Variants in GRID2 observed in about 807,000 individuals in gnomAD.
GRID2 encodes the protein glutamate receptor ionotropic, delta-2.
In GRID2, 33 loss-of-function variants were observed where a neutral mutation model predicts 114.8. The observed-to-expected ratio is 0.29, with a 90% CI of 0.22 to 0.38. The LOEUF (loss-of-function observed/expected upper bound fraction) is 0.38. Ranked by LOEUF, GRID2 falls within the 10% of genes least tolerant of loss-of-function variation. The probability of loss-of-function intolerance (pLI) is 1.00; values close to 1 mark genes in which losing one functional copy is unlikely to be tolerated. For missense variants in GRID2, 1,184 were observed against 1,257.7 expected (o/e 0.94, Z 0.89); for synonymous variants, 505 against 449.9 (o/e 1.12, Z -1.55).
intron 14 of GRID2, among the ~76,000 whole-genome samples, chr4:93,658,154 A>G (rs1462001637): frequency 2.6e-5 from 4 of 152,220 alleles, no homozygotes; most frequent in African/African-American, 9.6e-5. Context: ...TTTTTAATCA[A>G]TCTTAGAGCA....
At chr4:93,429,521 A>G (rs1769195406) in intron 10 of GRID2, among the ~76,000 whole-genome samples, 1 of 152,212 alleles carries the variant, frequency 6.6e-6, no homozygotes, top group Non-Finnish European at 1.5e-5. Context: ...GGATTTAAAA[A>G]TAATCTGTTC....
intron 2 of GRID2, among the ~76,000 whole-genome samples, chr4:92,870,956 T>G (rs1483016897): frequency 6.6e-6 from 1 of 152,216 alleles, no homozygotes; most frequent in African/African-American, 2.4e-5. Flanking sequence ...GGTGTTTTAT[T>G]GTACTATTCA....
intron 7 of GRID2, among the ~76,000 whole-genome samples, chr4:93,233,969 C>A (rs1485662496): frequency 6.6e-6 from 1 of 151,958 alleles, no homozygotes; most frequent in African/African-American, 2.4e-5. Flanking sequence ...GGTTTTGTGG[C>A]CTTTTAAAAC....
chr4:92,380,217 T>C (rs2110235319), intron 1 of GRID2, among the ~76,000 whole-genome samples: 1 of 151,978 alleles, frequency 6.6e-6, no homozygotes, highest in Non-Finnish European at 1.5e-5. Flanking sequence ...GTTGATTTTT[T>C]TGTGTAATGA....
At chr4:92,378,873 A>G (rs767170260) in intron 1 of GRID2, among the ~76,000 whole-genome samples, 1 of 152,000 alleles carries the variant, frequency 6.6e-6, no homozygotes, top group Non-Finnish European at 1.5e-5. Context: ...TATAAAATAT[A>G]TTTTTATGTG....
At chr4:92,324,011 A>C (rs745839449) in intron 1 of GRID2, among the ~76,000 whole-genome samples, 23 of 151,972 alleles carry the variant, frequency 1.5e-4, no homozygotes, top group Middle Eastern at 3.2e-3. Flanking sequence ...AGAATTTGTT[A>C]ATTGTTTTCA....
chr4:93,615,673 G>A (rs1741558621), intron 13 of GRID2, among the ~76,000 whole-genome samples: 1 of 147,848 alleles, frequency 6.8e-6, no homozygotes, highest in Non-Finnish European at 1.5e-5. Flanking sequence ...AGGAAGTTCT[G>A]TGTAACTTGG....
At chr4:93,458,945 C>T (rs978479611) in intron 11 of GRID2, among the ~76,000 whole-genome samples, 2 of 151,560 alleles carry the variant, frequency 1.3e-5, no homozygotes, top group South Asian at 2.1e-4. Flanking sequence ...TTTGGGAGGC[C>T]GAGGCAGGCG....
chr4:93,114,881 A>C (rs770976723), intron 4 of GRID2, among the ~76,000 whole-genome samples: 19 of 152,300 alleles, frequency 1.2e-4, no homozygotes, highest in Middle Eastern at 3.4e-3. Flanking sequence ...GCATATAATT[A>C]AATATTACTA....
In GRID2 at chr4:93,218,632, A is replaced by AAATACATATATAT. The variant is rs1744514384; in HGVS notation, c.963+1722_963+1723insATACATATATATA. Among the ~76,000 whole-genome samples, 6 of 152,306 alleles carry AAATACATATATAT rather than the reference A, an allele frequency of 3.9e-5. No homozygotes were observed. In the South Asian group the frequency reaches 1.2e-3, roughly 32 times the overall value. On this transcript the variant is annotated intron_variant, in intron 6 of 15. Transcript: ENST00000282020. The stretch of plus-strand genomic sequence containing the variant: ...GGATCTGTGTGAATATATATGTTTG[A>AAATACATATATAT]ATGTAATTAAGGAGAAGGCAATAGT...
intron 14 of GRID2, among the ~76,000 whole-genome samples, chr4:93,754,409 G>A (rs933766026): frequency 1.3e-5 from 2 of 152,134 alleles, no homozygotes; most frequent in African/African-American, 4.8e-5. Context: ...CTACAAAGTG[G>A]ATCTGTTCTC....
chr4:93,795,232 G>C (rs1035056128), intron 1 of GRID2, among the ~76,000 whole-genome samples: 16 of 151,772 alleles, frequency 1.1e-4, no homozygotes, highest in African/African-American at 3.9e-4. Context: ...ACTATAACAG[G>C]TAGAAAAAAT....
chr4:92,802,802 T>C (rs996953955), intron 2 of GRID2, among the ~76,000 whole-genome samples: 1 of 151,966 alleles, frequency 6.6e-6, no homozygotes, highest in African/African-American at 2.4e-5. Context: ...CTCCACGATA[T>C]GTTGCTGATT....
intron 13 of GRID2, among the ~76,000 whole-genome samples, chr4:93,581,497 A>G (rs1170544065): frequency 6.6e-6 from 1 of 152,172 alleles, no homozygotes; most frequent in Non-Finnish European, 1.5e-5. Flanking sequence ...ATGTTAGGGA[A>G]GCCAAGAGTC....
At chr4:92,495,949 G>A (rs73837311) in intron 1 of GRID2, among the ~76,000 whole-genome samples, 3,502 of 151,800 alleles carry the variant, frequency 0.023, 144 homozygotes, top group African/African-American at 0.081. Flanking sequence ...GCAACTATGA[G>A]CCATCTTTAT....
intron 13 of GRID2, among the ~76,000 whole-genome samples, chr4:93,564,875 G>A (rs113472980): frequency 6.6e-6 from 1 of 152,172 alleles, no homozygotes; most frequent in African/African-American, 2.4e-5. Context: ...ATTTATATCT[G>A]AAATAATTTG....
At chr4:92,880,290 C>T (rs1306046632) in intron 2 of GRID2, among the ~76,000 whole-genome samples, 1 of 152,122 alleles carries the variant, frequency 6.6e-6, no homozygotes, top group African/African-American at 2.4e-5. Flanking sequence ...CTTTGAGGGG[C>T]TTTATTTTCC....
chr4:93,335,843 C>T (rs1759023962), intron 8 of GRID2, among the ~76,000 whole-genome samples: 1 of 151,984 alleles, frequency 6.6e-6, no homozygotes, highest in Non-Finnish European at 1.5e-5. Flanking sequence ...GGACTACAGG[C>T]ACACTATCAT....
At chr4:93,477,827 G>T (rs780056414) in intron 11 of GRID2, among the ~76,000 whole-genome samples, 25 of 152,094 alleles carry the variant, frequency 1.6e-4, no homozygotes, top group Non-Finnish European at 1.5e-4. Context: ...GAGACCTAGA[G>T]ATAGAATTTA....
Sources: gnomAD v4.1 joint callset for allele counts (sites outside exome capture counted in the v4.1 genomes callset) on GRCh38, gnomAD v4.1.1 for gene constraint, MANE v1.5 for transcripts, NCBI Gene and HGNC (gene_info 2026-07-23, HGNC 2026-07-21) for gene names.